Variants in PHACTR3 observed in about 807,000 individuals in gnomAD.
PHACTR3 encodes the protein protein phosphatase 1, regulatory subunit 123.
Under a neutral mutation model 66.8 loss-of-function variants are expected in PHACTR3, and 16 were observed. The ratio of observed to expected loss-of-function variants is 0.24; its 90% CI spans 0.16 to 0.36. The LOEUF (loss-of-function observed/expected upper bound fraction) is 0.36, where lower values mean the gene tolerates loss of function less well. Ranked by LOEUF, PHACTR3 falls within the 10% of genes least tolerant of loss-of-function variation. The pLI, the probability that PHACTR3 is intolerant of heterozygous loss-of-function variation, is 1.00. For synonymous variants in PHACTR3, 323 were observed against 292.1 expected (o/e 1.11, Z -1.08); for missense variants, 647 against 719.9 (o/e 0.90, Z 1.16).
chr20:59,724,627 C>T (rs902292800), intron 1 of PHACTR3, among the ~76,000 whole-genome samples: 19 of 152,106 alleles, frequency 1.2e-4, no homozygotes, highest in Admixed American at 7.9e-4. Context: ...TAACCAGGGC[C>T]GTCACCCAAT....
chr20:59,715,200 TC>T (rs1400604554), intron 1 of PHACTR3, among the ~76,000 whole-genome samples: 1 of 152,188 alleles, frequency 6.6e-6, no homozygotes, highest in African/African-American at 2.4e-5. Flanking sequence ...CTTGTCTCAT[TC>T]CCAATCTCGG....
upstream of PHACTR3, among the ~76,000 whole-genome samples, chr20:59,601,706 G>A (rs995835871): frequency 1.3e-5 from 2 of 152,208 alleles, no homozygotes; most frequent in African/African-American, 4.8e-5. Context: ...AGGTGGGATT[G>A]CTAACTTTTT....
chr20:59,754,573 G>C (rs1234994072), intron 3 of PHACTR3, among the ~76,000 whole-genome samples: 4 of 152,224 alleles, frequency 2.6e-5, no homozygotes, highest in Non-Finnish European at 4.4e-5. Context: ...GCCTGGCTGA[G>C]GGTCAAACGG....
At chr20:59,680,485 A>G (rs1175387904) in intron 1 of PHACTR3, among the ~76,000 whole-genome samples, 2 of 152,190 alleles carry the variant, frequency 1.3e-5, no homozygotes, top group Non-Finnish European at 2.9e-5. Context: ...ACCGCCTGCG[A>G]ACATCATGCA....
rs139408051 is a variant in PHACTR3, at chr20:59,820,467, T to G, written c.1328+14273T>G. ...AGCAACAGAACACACAGCTTCCAAA[T>G]TGGGACAAGTTTAAACTGGCAAATC... On this transcript the variant is annotated intron_variant, in intron 8 of 12. Transcript: ENST00000371015. This position sits in a 1 kb window ranked among gnomAD's most constrained non-coding sequence, Gnocchi z 4.6. Among the ~76,000 whole-genome samples the G allele has an allele frequency of 4.6e-5, 7 of 152,274 alleles. No individual in the cohort carries two copies. Among genetic ancestry groups the G allele is most frequent in the African/African-American group, 1.7e-4 (7 of 41,570 alleles).
At chr20:59,737,475 T>G (rs948250013) in intron 1 of PHACTR3, among the ~76,000 whole-genome samples, 1 of 151,752 alleles carries the variant, frequency 6.6e-6, no homozygotes, top group Non-Finnish European at 1.5e-5. Flanking sequence ...CAAATGAGTG[T>G]GTGCGTGCAT....
chr20:59,646,091 G>A (rs941606656), intron 1 of PHACTR3, among the ~76,000 whole-genome samples: 30 of 152,226 alleles, frequency 2.0e-4, no homozygotes, highest in African/African-American at 6.0e-4. Context: ...CTGAGGGGAC[G>A]TGTCAGTCAT....
At position 59,604,827 on chromosome 20, in the gene PHACTR3, G is replaced by T. The variant is rs2033599282; in HGVS notation, c.-188G>T. 1.7e-6 allele frequency: 2 copies of T among 1,203,856 alleles called. No individual in the cohort carries two copies. The highest frequency in any genetic ancestry group is 2.1e-6 in the Non-Finnish European group (2 of 974,122). The allele number at this position is 1,203,856 out of a possible 1,614,324, so 74.6% of individuals were successfully genotyped here. On this transcript the variant is annotated 5_prime_UTR_variant, in exon 1 of 13. Transcript: ENST00000371015. ...CAGCCGGCGAGGCTATTGTCTCCCC[G>T]CCCTGAAGCCAGCCCCGGCGTCTTT... is the stretch of plus-strand genomic sequence containing the variant.
At chr20:59,825,358 A>G (rs1400671186) in intron 8 of PHACTR3, among the ~76,000 whole-genome samples, 2 of 152,336 alleles carry the variant, frequency 1.3e-5, no homozygotes, top group East Asian at 3.9e-4. Flanking sequence ...TTGATGTCCC[A>G]TTCATGTATC....
intron 12 of PHACTR3, among the ~76,000 whole-genome samples, chr20:59,845,482 C>T (rs1390422365): frequency 1.3e-5 from 2 of 152,068 alleles, no homozygotes; most frequent in African/African-American, 2.4e-5. Flanking sequence ...GTAACAATAT[C>T]GGTTTATTTA....
chr20:59,744,299 C>T (rs984015442), intron 2 of PHACTR3, among the ~76,000 whole-genome samples: 10 of 152,192 alleles, frequency 6.6e-5, no homozygotes, highest in South Asian at 2.1e-4. Flanking sequence ...TGTGGTGGCT[C>T]GTCAGCCTGG....
intron 1 of PHACTR3, among the ~76,000 whole-genome samples, chr20:59,609,662 G>A (rs111942687): frequency 1.4e-4 from 22 of 152,304 alleles, no homozygotes; most frequent in African/African-American, 3.6e-4. Context: ...CTTCCTGGGC[G>A]TGGGAGAGGG....
At chr20:59,814,693 G>A (rs553701174) in intron 8 of PHACTR3, among the ~76,000 whole-genome samples, 1 of 152,198 alleles carries the variant, frequency 6.6e-6, no homozygotes, top group South Asian at 2.1e-4. Flanking sequence ...AGAAGGGAGT[G>A]GTTGTTTTTC....
In PHACTR3 at chr20:59,588,613, C is replaced by G. The variant is rs919996782; in HGVS notation, c.109+10996C>G. ...GAGTCCTGAGGCCTGTCCCCATCCT[C>G]AGCCTCCCGCCATCTTCCCGGTACT... is the stretch of plus-strand genomic sequence containing the variant. On this transcript the variant is annotated intron_variant, in intron 1 of 12. Coordinates refer to the PHACTR3 transcript ENST00000359926. 6.6e-5 allele frequency among the ~76,000 whole-genome samples: 10 copies of G among 152,226 alleles called. No homozygotes were observed. The East Asian group carries it at 1.9e-3, about 29-fold the overall frequency.
chr20:59,665,452 G>T (rs2035951055), intron 1 of PHACTR3, among the ~76,000 whole-genome samples: 1 of 152,190 alleles, frequency 6.6e-6, no homozygotes, highest in African/African-American at 2.4e-5. Flanking sequence ...GATACTTAAA[G>T]AACCCGAAGG....
At chr20:59,604,115 G>GTGCCCT (rs2033570600), upstream of PHACTR3, among the ~76,000 whole-genome samples, 1 of 152,012 alleles carries the variant, frequency 6.6e-6, no homozygotes, top group Non-Finnish European at 1.5e-5. Context: ...AGGGTCCGGG[G>GTGCCCT]TGCCCTAGCA....
At chr20:59,789,445 C>G (rs1051580376) in intron 7 of PHACTR3, among the ~76,000 whole-genome samples, 1 of 149,684 alleles carries the variant, frequency 6.7e-6, no homozygotes, top group Admixed American at 6.7e-5. Flanking sequence ...GAGTTCAGCT[C>G]AAACAGAATG....
intron 1 of PHACTR3, among the ~76,000 whole-genome samples, chr20:59,706,547 C>T (rs976046366): frequency 3.3e-5 from 5 of 152,206 alleles, no homozygotes; most frequent in Non-Finnish European, 7.3e-5. Context: ...TTCCCAGCTC[C>T]CAGGAGCCAG....
At chr20:59,731,600 C>G (rs2038766439) in intron 1 of PHACTR3, among the ~76,000 whole-genome samples, 1 of 152,178 alleles carries the variant, frequency 6.6e-6, no homozygotes, top group African/African-American at 2.4e-5. Context: ...ATTGGCAGTA[C>G]TATAGGGTTG....
Sources: gnomAD v4.1 joint callset for allele counts (sites outside exome capture counted in the v4.1 genomes callset) on GRCh38, gnomAD v4.1.1 for gene constraint, Gnocchi (gnomAD v3.1) non-coding constraint, MANE v1.5 for transcripts, NCBI Gene and HGNC (gene_info 2026-07-23, HGNC 2026-07-21) for gene names.